ABCG2: variants seen among roughly 807,000 people sequenced by gnomAD.
ABCG2 encodes the protein broad substrate specificity ATP-binding cassette transporter ABCG2.
In ABCG2, 80 loss-of-function variants were observed where a neutral mutation model predicts 73.5. The observed-to-expected ratio is 1.09, with a 90% CI of 0.91 to 1.31. ABCG2 has a LOEUF of 1.31. Ranked by LOEUF, ABCG2 falls within the 50% of genes most tolerant of loss-of-function variation. The pLI is 0.00. For missense variants in ABCG2, 796 were observed against 786.2 expected, an observed-to-expected ratio of 1.01 and a Z score of -0.15; for synonymous variants, 269 against 282.4, an observed-to-expected ratio of 0.95 and a Z score of 0.48.
intron 15 of ABCG2, 59 bp downstream of exon 15, chr4:88,094,518 C>T (rs1343023762): frequency 2.1e-6 from 3 of 1,452,386 alleles, no homozygotes; most frequent in Non-Finnish European, 2.9e-6. Flanking sequence ...GCCCAGTAGC[C>T]TTTATACATC....
chr4:88,199,624 A>C (rs562874985), intron 1 of ABCG2, among the ~76,000 whole-genome samples: 8 of 152,364 alleles, frequency 5.3e-5, no homozygotes, highest in African/African-American at 1.9e-4. Flanking sequence ...TAAAGAAGAA[A>C]TAGACTTTCT....
At chr4:88,166,721 C>T (rs576961827) in intron 1 of ABCG2, among the ~76,000 whole-genome samples, 2 of 152,128 alleles carry the variant, frequency 1.3e-5, no homozygotes, top group Admixed American at 6.5e-5. Flanking sequence ...TTCTAGGGTA[C>T]AGTTTTGTTG....
intron 1 of ABCG2, among the ~76,000 whole-genome samples, chr4:88,225,454 T>A (rs1379154942): frequency 2.0e-5 from 3 of 151,996 alleles, no homozygotes; most frequent in African/African-American, 7.3e-5. Context: ...CATGATGAGG[T>A]TGGAGAAAGG....
At position 88,198,028 on chromosome 4, in the gene ABCG2, C is replaced by CAAA. The variant is rs34030026; in HGVS notation, c.-20+32963_-20+32965dup. ...CTGAGTGACGGAGCAAGACTGTCTC[C>CAAA]AAAAAAAAAAAAAAAAAATCGTTTG... On this transcript the variant is annotated intron_variant, in intron 1 of 15. Transcript: ENST00000515655. Among the ~76,000 whole-genome samples, 40 of 115,606 alleles carry CAAA rather than the reference C, an allele frequency of 3.5e-4. No homozygotes were observed. The South Asian group carries it at 4.7e-3, about 14-fold the overall frequency. The allele number at this position is 115,606 out of a possible 152,430, so 75.8% of individuals were successfully genotyped here.
intron 10 of ABCG2, among the ~76,000 whole-genome samples, chr4:88,101,695 G>A (rs1384448043): frequency 6.6e-6 from 1 of 152,282 alleles, no homozygotes; most frequent in Admixed American, 6.5e-5. Context: ...TGGGAAGAGC[G>A]TCCTAATAGG....
chr4:88,157,565 GTTA>G, intron 1 of ABCG2, among the ~76,000 whole-genome samples: 1 of 152,152 alleles, frequency 6.6e-6, no homozygotes, highest in South Asian at 2.1e-4. Flanking sequence ...ACAATTAAAA[GTTA>G]TTATAAAATA....
chr4:88,124,657 T>C (rs773736618), intron 5 of ABCG2, among the ~76,000 whole-genome samples: 9 of 152,166 alleles, frequency 5.9e-5, no homozygotes, highest in Non-Finnish European at 8.8e-5. Context: ...TGCAGACTCA[T>C]AAAGCAAGTC....
chr4:88,190,434 A>G (rs188931207), intron 1 of ABCG2, among the ~76,000 whole-genome samples: 3 of 152,360 alleles, frequency 2.0e-5, no homozygotes, highest in Non-Finnish European at 4.4e-5. Context: ...AAGTCATTCA[A>G]CTATCCAGGA....
intron 1 of ABCG2, among the ~76,000 whole-genome samples, chr4:88,215,939 A>G (rs1560463138): frequency 1.3e-5 from 2 of 152,228 alleles, no homozygotes; most frequent in Non-Finnish European, 2.9e-5. Flanking sequence ...GATGAATATC[A>G]TGAATCTTCC....
At chr4:88,188,170 G>A (rs1728541339) in intron 1 of ABCG2, among the ~76,000 whole-genome samples, 2 of 152,060 alleles carry the variant, frequency 1.3e-5, no homozygotes. Context: ...ATAAGGTAAG[G>A]GTCCAACTTT....
At chr4:88,181,660 G>C (rs1187547965) in intron 1 of ABCG2, among the ~76,000 whole-genome samples, 1 of 152,116 alleles carries the variant, frequency 6.6e-6, no homozygotes, top group Non-Finnish European at 1.5e-5. Flanking sequence ...CAGCCCAGGA[G>C]GTTGGGGTTG....
intron 11 of ABCG2, among the ~76,000 whole-genome samples, chr4:88,100,315 C>T (rs527978370): frequency 1.3e-5 from 2 of 152,088 alleles, no homozygotes; most frequent in East Asian, 3.9e-4. Flanking sequence ...GCCTGGCCAA[C>T]ATGGCGAAAC....
intron 5 of ABCG2, 150 bp downstream of exon 5, chr4:88,130,911 T>C (rs1724812273): frequency 5.6e-6 from 5 of 885,396 alleles, no homozygotes; most frequent in Non-Finnish European, 8.6e-6. Context: ...CACGTTCATA[T>C]TATGTAACAA....
intron 1 of ABCG2, among the ~76,000 whole-genome samples, chr4:88,142,527 C>A (rs748280408): frequency 4.6e-5 from 7 of 152,136 alleles, no homozygotes; most frequent in Non-Finnish European, 7.3e-5. Context: ...TCTGTGAACA[C>A]AATGAATGGT....
intron 1 of ABCG2, among the ~76,000 whole-genome samples, chr4:88,146,327 CT>C (rs1383949406): frequency 8.2e-6 from 1 of 122,188 alleles, no homozygotes; most frequent in Non-Finnish European, 1.9e-5. Flanking sequence ...AAAAAGTTTC[CT>C]TACATAAGTA....
At chr4:88,228,336 A>G (rs1730311102) in intron 1 of ABCG2, among the ~76,000 whole-genome samples, 1 of 152,176 alleles carries the variant, frequency 6.6e-6, no homozygotes, top group East Asian at 1.9e-4. Flanking sequence ...GAGAGTTGGC[A>G]GATGATGGTA....
Position 88,153,349 on chromosome 4 carries a change from C to T in ABCG2, c.-20+5037G>A, listed in dbSNP as rs559081234. ...TCTGGTGTCTGGAATGAGACTGGGG[C>T]CTAATAAAAAGGAGCATCTATACAG... On this transcript the variant is annotated intron_variant, in intron 1 of 15. Transcript: ENST00000237612. Among the ~76,000 whole-genome samples, 464 of 151,988 alleles carry T rather than the reference C, an allele frequency of 3.1e-3. 1 individual carries two copies. Among genetic ancestry groups the T allele is most frequent in the Non-Finnish European group, 5.2e-3 (351 of 67,954 alleles).
At position 88,138,394 on chromosome 4, in the gene ABCG2, G is replaced by A. The variant is rs1313531603; in HGVS notation, c.203+1399C>T. On this transcript the variant is annotated intron_variant, in intron 2 of 15. Coordinates refer to ENST00000237612, the MANE Select transcript of ABCG2 (RefSeq NM_004827.3). ...ACAACTTTTTAAATTCTCATGGTCA[G>A]ACTGTTTTTATCTTCTTCCCCCTGC... Among the ~76,000 whole-genome samples the A allele has an allele frequency of 2.6e-5, 4 of 152,150 alleles. No individual in the cohort carries two copies. The East Asian group carries it at 5.8e-4, about 22-fold the overall frequency.
chr4:88,162,262 T>C (rs562612257), upstream of ABCG2, among the ~76,000 whole-genome samples: 31 of 152,264 alleles, frequency 2.0e-4, no homozygotes, highest in East Asian at 4.8e-3. Flanking sequence ...TCTTTTATCT[T>C]GTATTTTAGT....
Sources: allele counts gnomAD v4.1 joint callset (sites outside exome capture counted in the v4.1 genomes callset), GRCh38; gene constraint gnomAD v4.1.1; transcripts MANE v1.5; gene names NCBI Gene and HGNC (gene_info 2026-07-23, HGNC 2026-07-21).